Variants in ARHGAP22 observed in about 807,000 individuals in gnomAD.
The protein encoded by ARHGAP22 is Rho GTPase activating protein 22, also known as rho GTPase-activating protein 22.
A neutral mutation model predicts 59.1 loss-of-function variants in ARHGAP22; 48 were observed. The ratio of observed to expected loss-of-function variants is 0.81; its 90% CI spans 0.64 to 1.03. The LOEUF (loss-of-function observed/expected upper bound fraction) is 1.03, where lower values mean the gene tolerates loss of function less well. Among genes scored for constraint, ARHGAP22 ranks in the 50% least tolerant of loss-of-function variants. The probability of loss-of-function intolerance (pLI) is 0.00; values close to 1 mark genes in which losing one functional copy is unlikely to be tolerated. For missense variants in ARHGAP22, 1,015 were observed against 958.7 expected (o/e 1.06, Z -0.78); for synonymous variants, 445 against 416.4 (o/e 1.07, Z -0.84).
At chr10:48,476,917 C>G (rs1422377295) in intron 4 of ARHGAP22, among the ~76,000 whole-genome samples, 3 of 152,234 alleles carry the variant, frequency 2.0e-5, no homozygotes, top group African/African-American at 4.8e-5. Context: ...AGTTCTGCCC[C>G]CTTGCTGGCT....
At chr10:48,616,886 A>G (rs928223965) in intron 1 of ARHGAP22, among the ~76,000 whole-genome samples, 1 of 152,126 alleles carries the variant, frequency 6.6e-6, no homozygotes, top group African/African-American at 2.4e-5. Context: ...AATTCACATG[A>G]AGAAATTAAA....
At chr10:48,491,140 C>T (rs1461567625) in intron 3 of ARHGAP22, among the ~76,000 whole-genome samples, 1 of 152,152 alleles carries the variant, frequency 6.6e-6, no homozygotes, top group Non-Finnish European at 1.5e-5. Context: ...TGCTCAACAT[C>T]CCCCAGCAGG....
At chr10:48,547,570 C>T (rs556838666) in intron 3 of ARHGAP22, among the ~76,000 whole-genome samples, 1 of 152,372 alleles carries the variant, frequency 6.6e-6, no homozygotes, top group African/African-American at 2.4e-5. Flanking sequence ...CAGACAGGTG[C>T]TCCAGGATGG....
At chr10:48,448,857 G>A (rs769297882) in intron 9 of ARHGAP22, among the ~76,000 whole-genome samples, 4 of 152,170 alleles carry the variant, frequency 2.6e-5, no homozygotes, top group Admixed American at 2.0e-4. Flanking sequence ...GAGTCAATGC[G>A]AGCAGCAAAG....
At chr10:48,621,826 C>T (rs538427182) in intron 1 of ARHGAP22, among the ~76,000 whole-genome samples, 1 of 152,262 alleles carries the variant, frequency 6.6e-6, no homozygotes, top group African/African-American at 2.4e-5. Flanking sequence ...CTTTGGTGCT[C>T]TAGCTAGGTG....
At chr10:48,551,359 C>T (rs1195767105) in intron 3 of ARHGAP22, among the ~76,000 whole-genome samples, 1 of 152,252 alleles carries the variant, frequency 6.6e-6, no homozygotes, top group Admixed American at 6.5e-5. Flanking sequence ...TGTGGTCCCA[C>T]AGAGGCTTCA....
intron 8 of ARHGAP22, chr10:48,451,740 G>A (rs2045981732): frequency 5.1e-6 from 3 of 582,918 alleles, no homozygotes; most frequent in Admixed American, 3.3e-5. Context: ...ACTGGACAAT[G>A]CACCCACCCA....
upstream of ARHGAP22, among the ~76,000 whole-genome samples, chr10:48,606,642 T>A (rs971579156): frequency 6.6e-6 from 1 of 152,212 alleles, no homozygotes; most frequent in African/African-American, 2.4e-5. Flanking sequence ...GTGTTCCTGT[T>A]CTTGCATGTG....
intron 3 of ARHGAP22, among the ~76,000 whole-genome samples, chr10:48,543,419 G>T (rs925669418): frequency 6.6e-6 from 1 of 152,138 alleles, no homozygotes; most frequent in East Asian, 1.9e-4. Flanking sequence ...TTCTGGGGTG[G>T]CTCACCCACT....
In ARHGAP22 at chr10:48,450,760, CGGA is replaced by C. The variant is rs1265767624; in HGVS notation, c.1366_1368del (p.Ser456del). 2 of 1,561,978 alleles carry C rather than the reference CGGA, an allele frequency of 1.3e-6. No individual in the cohort carries two copies. The highest frequency in any genetic ancestry group is 1.7e-6 in the Non-Finnish European group (2 of 1,153,372). ...AGCCCGTTCATAAGCCAGTTCCCGC[CGGA>C]GGAGATGATGGGCACCTCCAGGGAT... On this transcript the variant is annotated inframe_deletion, in exon 9 of 10. Coordinates refer to ENST00000249601, the MANE Select transcript of ARHGAP22 (RefSeq NM_021226.4).
Position 48,446,430 on chromosome 10 carries a change from G to A in ARHGAP22, c.2058C>T (p.Ser686=). 1 of 1,614,136 alleles carries A rather than the reference G, an allele frequency of 6.2e-7. No individual in the cohort carries two copies. Among genetic ancestry groups the A allele is most frequent in the Non-Finnish European group, 8.5e-7 (1 of 1,180,012 alleles). The change falls in exon 10 of 10, where the codon AGC becomes AGT. Residue 686 remains serine, a synonymous_variant. Transcript: ENST00000249601. ...EMEEFFSTLG[S]LTVGAKGARA... ...TGGCACCTTTTGCCCCAACAGTCAA[G>A]CTTCCTAGGGTCGAAAAAAACTCCT...
chr10:48,480,125 G>A (rs186525415), intron 3 of ARHGAP22, among the ~76,000 whole-genome samples: 174 of 152,292 alleles, frequency 1.1e-3, no homozygotes, highest in South Asian at 2.1e-3. Context: ...AATCAATTTT[G>A]CCCATTTTAA....
At chr10:48,585,297 T>G (rs1239825084) in intron 1 of ARHGAP22, among the ~76,000 whole-genome samples, 1 of 129,898 alleles carries the variant, frequency 7.7e-6, no homozygotes, top group African/African-American at 3.0e-5. Context: ...TCACCACCTG[T>G]TTTTTTGTTT....
the ARHGAP22 span, among the ~76,000 whole-genome samples, chr10:48,431,728 T>A: frequency 3.9e-5 from 6 of 152,210 alleles, no homozygotes; most frequent in African/African-American, 1.2e-4. Flanking sequence ...TAGAAAGTAT[T>A]CTTTCTCTAA....
chr10:48,489,728 CTCT>C (rs2050183450), intron 3 of ARHGAP22, among the ~76,000 whole-genome samples: 1 of 141,476 alleles, frequency 7.1e-6, no homozygotes, highest in Admixed American at 7.0e-5. Context: ...CTGAGGCTGC[CTCT>C]TTTTTTTTTT....
chr10:48,505,066 T>C (rs1284410715), intron 3 of ARHGAP22, among the ~76,000 whole-genome samples: 2 of 152,192 alleles, frequency 1.3e-5, no homozygotes, highest in African/African-American at 2.4e-5. Flanking sequence ...ATTACTATTA[T>C]TTTTTAAGAC....
chr10:48,511,386 C>T (rs191168574), intron 3 of ARHGAP22: 6 of 152,444 alleles, frequency 3.9e-5, no homozygotes, highest in Non-Finnish European at 5.9e-5. Context: ...AGGCCATCCA[C>T]GCTGCCCCTG....
chr10:48,487,836 G>A (rs138808846), intron 3 of ARHGAP22, among the ~76,000 whole-genome samples: 9 of 152,308 alleles, frequency 5.9e-5, no homozygotes, highest in African/African-American at 2.2e-4. Flanking sequence ...GGAGGCTGAG[G>A]TGGGAGGATT....
chr10:48,641,890 C>G (rs896315902), intron 1 of ARHGAP22, among the ~76,000 whole-genome samples: 1 of 152,190 alleles, frequency 6.6e-6, no homozygotes, highest in African/African-American at 2.4e-5. Context: ...TCAGCAAAGT[C>G]TCAGGATACA....
Sources: gnomAD v4.1 joint callset for allele counts (sites outside exome capture counted in the v4.1 genomes callset) on GRCh38, gnomAD v4.1.1 for gene constraint, MANE v1.5 for transcripts, NCBI Gene and HGNC (gene_info 2026-07-23, HGNC 2026-07-21) for gene names.